The following IL1RAPL1 variants were observed in gnomAD, a reference collection of about 807,000 sequenced individuals.
IL1RAPL1 encodes interleukin-1 receptor accessory protein-like 1.
IL1RAPL1 carries 3 observed loss-of-function variants against 48.4 expected under a neutral mutation model. That is an observed-to-expected ratio of 0.06 (90% CI 0.03 to 0.16). The LOEUF (loss-of-function observed/expected upper bound fraction) is 0.16, where lower values mean the gene tolerates loss of function less well. Ranked by LOEUF, IL1RAPL1 falls within the 10% of genes least tolerant of loss-of-function variation. The pLI, the probability that IL1RAPL1 is intolerant of heterozygous loss-of-function variation, is 1.00. For synonymous variants in IL1RAPL1, 185 were observed against 187.7 expected (o/e 0.99, Z 0.12); for missense variants, 349 against 530.6 (o/e 0.66, Z 3.36).
At position 28,865,907 on chromosome X, in the gene IL1RAPL1, G is replaced by A. The variant is rs537799358; in HGVS notation, c.82+76482G>A. On this transcript the variant is annotated intron_variant, in intron 2 of 10. Transcript: ENST00000378993. ...TGGATTTGGCAAGATGCAAGAGAAT[G>A]TTGGCCTTGAAAAGAAGAGTTTCAA... is the stretch of plus-strand genomic sequence containing the variant. 2.1e-4 allele frequency among the ~76,000 whole-genome samples: 23 copies of A among 111,896 alleles called. No individual in the cohort carries two copies. The South Asian group carries it at 7.5e-3, about 37-fold the overall frequency.
At position 29,449,423 on chromosome X, in the gene IL1RAPL1, A is replaced by G. The variant is rs1286585032; in HGVS notation, c.703+50115A>G. On this transcript the variant is annotated intron_variant, in intron 5 of 10. Coordinates refer to ENST00000378993, the MANE Select transcript of IL1RAPL1 (RefSeq NM_014271.4). ...AGGGAGAGAGAGCATAAGCAATAAT[A>G]ACAGAAGGTAGGATAGTAATTTACC... 7.2e-5 allele frequency among the ~76,000 whole-genome samples: 8 copies of G among 110,509 alleles called. No homozygotes were observed. In the Admixed American group the frequency reaches 7.8e-4, roughly 11 times the overall value.
At chrX:29,680,016 T>C (rs901231226) in intron 6 of IL1RAPL1, among the ~76,000 whole-genome samples, 1 of 112,161 alleles carries the variant, frequency 8.9e-6, no homozygotes, top group African/African-American at 3.2e-5. Context: ...TTTATTTTTG[T>C]CTCAAATAGA....
chrX:28,717,901 A>G (rs1381480208), intron 1 of IL1RAPL1, among the ~76,000 whole-genome samples: 2 of 111,677 alleles, frequency 1.8e-5, no homozygotes, highest in Non-Finnish European at 3.8e-5. Flanking sequence ...AATCTAATGT[A>G]GTATTTTCCA....
chrX:29,310,126 A>G (rs1932696065), intron 3 of IL1RAPL1, among the ~76,000 whole-genome samples: 9 of 83,858 alleles, frequency 1.1e-4, no homozygotes, highest in South Asian at 5.1e-4. Context: ...AAAAAAAAAA[A>G]AAAGAAAGGA....
rs1173735519 is a variant in IL1RAPL1 at position 29,766,105 on chromosome X, C to T, written c.778+97601C>T. Among the ~76,000 whole-genome samples, 9 of 107,631 alleles carry T rather than the reference C, an allele frequency of 8.4e-5. No individual in the cohort carries two copies. In the East Asian group the frequency reaches 1.2e-3, roughly 14 times the overall value. 93.5% of individuals were successfully genotyped at this position (107,631 alleles called of 115,157 possible). On this transcript the variant is annotated intron_variant, in intron 6 of 10. Coordinates refer to ENST00000378993, the MANE Select transcript of IL1RAPL1 (RefSeq NM_014271.4). ...CAGCACTTTGGGAGGCCGAGGTGGA[C>T]GGATCATGGGGTCAAGAGATTGAGA...
chrX:28,699,314 G>T (rs1935269497), intron 1 of IL1RAPL1, among the ~76,000 whole-genome samples: 4 of 112,054 alleles, frequency 3.6e-5, no homozygotes, highest in South Asian at 3.7e-4. Flanking sequence ...ACATTCAGCA[G>T]ACTGCTATGT....
At position 29,236,431 on chromosome X, in the gene IL1RAPL1, A is replaced by G. The variant is rs745899194; in HGVS notation, c.83-46507A>G. ...CTATACTTTGTGCTAGCCATCACTG[A>G]CTTCCACCTAAAAAGATAAACTGTA... On this transcript the variant is annotated intron_variant, in intron 2 of 10. Transcript: ENST00000378993. Among the ~76,000 whole-genome samples the G allele has an allele frequency of 2.7e-5, 3 of 109,573 alleles. No homozygotes were observed. The East Asian group carries it at 8.6e-4, about 31-fold the overall frequency.
chrX:29,919,905 G>A lies in IL1RAPL1; in HGVS notation c.912-44G>A, dbSNP rs375016829. The A allele has an allele frequency of 5.3e-5, 59 of 1,121,722 alleles. No homozygotes were observed. The African/African-American group carries it at 7.6e-4, about 14-fold the overall frequency. The allele number at this position is 1,121,722 out of a possible 1,213,427, so 92.4% of individuals were successfully genotyped here. On this transcript the variant is annotated intron_variant, in intron 7 of 10. Coordinates refer to ENST00000378993, the MANE Select transcript of IL1RAPL1 (RefSeq NM_014271.4). ...CTACATTTCTTTCTTGTTTGTGTATGTGTCTGTTTGTGTGGATTTTTGTTT... is the reference window on the plus strand; with the variant it reads ...CTACATTTCTTTCTTGTTTGTGTATATGTCTGTTTGTGTGGATTTTTGTTT...
chrX:29,451,319 C>G (rs1934677126), intron 5 of IL1RAPL1, among the ~76,000 whole-genome samples: 1 of 109,361 alleles, frequency 9.1e-6, no homozygotes, highest in Admixed American at 9.8e-5. Context: ...TTCAGCCACA[C>G]AAGTAGCTGG....
intron 2 of IL1RAPL1, among the ~76,000 whole-genome samples, chrX:28,955,232 A>G (rs1009865730): frequency 9.0e-6 from 1 of 111,629 alleles, no homozygotes; most frequent in Non-Finnish European, 1.9e-5. Context: ...AATGACGGAT[A>G]TATGTAACTG....
At chrX:29,115,752 A>G (rs1352450368) in intron 2 of IL1RAPL1, among the ~76,000 whole-genome samples, 1 of 110,229 alleles carries the variant, frequency 9.1e-6, no homozygotes, top group Non-Finnish European at 1.9e-5. Context: ...ATTTATTACA[A>G]TTACTTTTAT....
chrX:29,130,903 A>G (rs192894583), intron 2 of IL1RAPL1, among the ~76,000 whole-genome samples: 2 of 112,410 alleles, frequency 1.8e-5, no homozygotes, highest in Admixed American at 1.9e-4. Flanking sequence ...AAGCATTCAT[A>G]ATACGGATTT....
chrX:29,400,954 T>C lies in IL1RAPL1; in HGVS notation c.703+1646T>C, dbSNP rs1475029946. On this transcript the variant is annotated intron_variant, in intron 5 of 10. Transcript: ENST00000378993. ...CTTTAGTAAGCACCTCTTTCCCCTT[T>C]CTAGAAATGCTAGGATTCTAAACCA... 3.6e-5 allele frequency among the ~76,000 whole-genome samples: 4 copies of C among 111,603 alleles called. No individual in the cohort carries two copies. The Admixed American group carries it at 3.8e-4, about 11-fold the overall frequency.
chrX:28,667,727 G>A (rs908852063), intron 1 of IL1RAPL1, among the ~76,000 whole-genome samples: 2 of 112,126 alleles, frequency 1.8e-5, no homozygotes, highest in Admixed American at 9.4e-5. Context: ...ATGTAGGCTT[G>A]AAGTTAGAGA....
intron 2 of IL1RAPL1, among the ~76,000 whole-genome samples, chrX:29,149,073 C>A (rs1929407912): frequency 9.0e-6 from 1 of 110,576 alleles, no homozygotes; most frequent in South Asian, 3.8e-4. Context: ...AACTTTCTTT[C>A]TTCTTTATGA....
intron 5 of IL1RAPL1, among the ~76,000 whole-genome samples, chrX:29,528,239 T>C (rs1208526523): frequency 8.9e-6 from 1 of 112,492 alleles, no homozygotes; most frequent in African/African-American, 3.2e-5. Context: ...TTGCAAAATA[T>C]TGGAAACTAC....
intron 6 of IL1RAPL1, among the ~76,000 whole-genome samples, chrX:29,753,768 A>G (rs1273073036): frequency 8.9e-6 from 1 of 111,809 alleles, no homozygotes; most frequent in Non-Finnish European, 1.9e-5. Flanking sequence ...GGGAGAAACC[A>G]TTTAGAATGA....
chrX:29,423,666 T>C (rs1385505268), intron 5 of IL1RAPL1, among the ~76,000 whole-genome samples: 2 of 111,830 alleles, frequency 1.8e-5, no homozygotes, highest in East Asian at 5.6e-4. Flanking sequence ...TTGGGTATTC[T>C]CAATTACATG....
chrX:29,151,334 T>C (rs775929417), intron 2 of IL1RAPL1, among the ~76,000 whole-genome samples: 3 of 112,141 alleles, frequency 2.7e-5, no homozygotes, highest in Non-Finnish European at 5.6e-5. Flanking sequence ...ACTTTCAAAA[T>C]GTTTTTAATC....
Sources: gnomAD v4.1 joint callset for allele counts (sites outside exome capture counted in the v4.1 genomes callset) on GRCh38, gnomAD v4.1.1 for gene constraint, MANE v1.5 for transcripts, NCBI Gene and HGNC (gene_info 2026-07-23, HGNC 2026-07-21) for gene names.